OR51E2: variants seen among roughly 807,000 people sequenced by gnomAD.
OR51E2 encodes olfactory receptor family 51 subfamily E member 2.
Under a neutral mutation model 13.7 loss-of-function variants are expected in OR51E2, and 14 were observed. The observed-to-expected ratio is 1.02, with a 90% CI of 0.68 to 1.60. The LOEUF is 1.60. Among genes scored for constraint, OR51E2 ranks in the 40% most tolerant of loss-of-function variants. OR51E2 has a pLI of 0.00. For missense variants in OR51E2, 483 were observed against 413.8 expected (o/e 1.17, Z -1.45); for synonymous variants, 180 against 157.6 (o/e 1.14, Z -1.07).
intron 1 of OR51E2, among the ~76,000 whole-genome samples, chr11:4,689,503 A>G (rs959956265): frequency 1.3e-5 from 2 of 152,204 alleles, no homozygotes; most frequent in Non-Finnish European, 2.9e-5. Context: ...GCCTGTAGAT[A>G]CGAATGATTA....
rs143436334 is a variant in OR51E2 at position 4,682,090 on chromosome 11, C to A, written c.622G>T (p.Val208Leu). ...GLTAILLVMGVDVMFISLSYF... is the reference protein window; with the variant it reads ...GLTAILLVMGLDVMFISLSYF... ...GACAAGGAGATGAACATTACGTCCA[C>A]GCCCATGACCAGCAGAATGGCAGTA... Residue 208 changes from valine (V) to leucine (L), a missense_variant, in exon 2 of 2, where the codon GTG (valine) becomes TTG (leucine). Transcript: ENST00000396950. 2 of 1,614,082 alleles carry A rather than the reference C, an allele frequency of 1.2e-6. No individual in the cohort carries two copies. Among genetic ancestry groups the A allele is most frequent in the Non-Finnish European group, 1.7e-6 (2 of 1,180,050 alleles).
intron 1 of OR51E2, among the ~76,000 whole-genome samples, chr11:4,682,982 A>T (rs1042737297): frequency 6.6e-6 from 1 of 152,172 alleles, no homozygotes; most frequent in African/African-American, 2.4e-5. Context: ...CTTTTTCCAA[A>T]ATGTAATTCC....
rs1280191543 is a variant in OR51E2 at position 4,681,829 on chromosome 11, T to C, written c.883A>G (p.Thr295Ala). Residue 295 changes from threonine (T) to alanine (A), a missense_variant, in exon 2 of 2, where the codon ACC becomes GCC. Thr to Ala is a moderately conservative substitution (Grantham distance 58). Coordinates refer to ENST00000396950, the MANE Select transcript of OR51E2 (RefSeq NM_030774.4). ...VINPIIYGAK[T>A]KQIRTRVLAM... Reference sequence around the variant, plus strand: ...AGCACCCGTGTTCTGATCTGTTTGGTTTTGGCACCATAGATGATGGGATTG... The same window carrying C: ...AGCACCCGTGTTCTGATCTGTTTGGCTTTGGCACCATAGATGATGGGATTG... 6.2e-7 allele frequency: 1 copy of C among 1,614,104 alleles called. No homozygotes were observed. The highest frequency in any genetic ancestry group is 8.5e-7 in the Non-Finnish European group (1 of 1,180,004).
At chr11:4,690,681 T>G (rs1564887122) in intron 1 of OR51E2, 1 of 329,296 alleles carries the variant, frequency 3.0e-6, no homozygotes, top group Non-Finnish European at 5.9e-6. Flanking sequence ...TCTTTGGTTG[T>G]TTTTTGTTTT....
intron 1 of OR51E2, among the ~76,000 whole-genome samples, chr11:4,696,083 G>A (rs756739435): frequency 1.3e-5 from 2 of 152,174 alleles, no homozygotes; most frequent in Non-Finnish European, 2.9e-5. Flanking sequence ...AAAATACAGT[G>A]AAGCAATCAA....
chr11:4,688,474 A>G (rs1023100354), intron 1 of OR51E2, among the ~76,000 whole-genome samples: 2 of 152,206 alleles, frequency 1.3e-5, no homozygotes, highest in African/African-American at 4.8e-5. Flanking sequence ...GCAGAGTAGT[A>G]GAAGATGATA....
chr11:4,694,149 C>T (rs952409390), intron 1 of OR51E2, among the ~76,000 whole-genome samples: 1 of 152,110 alleles, frequency 6.6e-6, no homozygotes, highest in Admixed American at 6.5e-5. Flanking sequence ...TTCTTCATAT[C>T]TCCCATTACC....
chr11:4,696,355 A>G (rs1266752465), intron 1 of OR51E2, among the ~76,000 whole-genome samples: 1 of 151,412 alleles, frequency 6.6e-6, no homozygotes, highest in African/African-American at 2.4e-5. Context: ...ACTACCCACC[A>G]CACACACACA....
intron 1 of OR51E2, among the ~76,000 whole-genome samples, chr11:4,688,593 T>A (rs1207223970): frequency 6.6e-6 from 1 of 152,174 alleles, no homozygotes; most frequent in Non-Finnish European, 1.5e-5. Context: ...TTGAACTTGA[T>A]CTGCCTTGTG....
chr11:4,689,896 G>T (rs942873299), intron 1 of OR51E2, among the ~76,000 whole-genome samples: 11 of 150,428 alleles, frequency 7.3e-5, no homozygotes, highest in East Asian at 5.8e-4. Context: ...TAGAGTTGTG[G>T]TTTTTTTTAA....
intron 1 of OR51E2, among the ~76,000 whole-genome samples, chr11:4,688,888 G>C (rs1197937562): frequency 6.6e-6 from 1 of 152,184 alleles, no homozygotes; most frequent in Non-Finnish European, 1.5e-5. Flanking sequence ...TCAACACATT[G>C]GAAGGTAGAG....
intron 1 of OR51E2, among the ~76,000 whole-genome samples, chr11:4,689,156 G>T (rs1229974556): frequency 1.3e-5 from 2 of 152,146 alleles, no homozygotes; most frequent in Non-Finnish European, 2.9e-5. Context: ...CAAAGTCCCA[G>T]GACATTGCAA....
At chr11:4,693,843 T>C (rs1403820717) in intron 1 of OR51E2, among the ~76,000 whole-genome samples, 2 of 152,214 alleles carry the variant, frequency 1.3e-5, no homozygotes, top group African/African-American at 4.8e-5. Flanking sequence ...AGTGCTATTT[T>C]AGAAGCTAAA....
rs943086437 is a variant in OR51E2, at chr11:4,693,724, A to AAAAC, written c.-51+3925_-51+3928dup. Among the ~76,000 whole-genome samples the AAAAC allele has an allele frequency of 1.1e-4, 16 of 152,108 alleles. 1 individual carries two copies. The highest frequency in any genetic ancestry group is 2.7e-4 in the African/African-American group (11 of 41,408). On this transcript the variant is annotated intron_variant, in intron 1 of 1. Transcript: ENST00000396950. ...GCGACAGAGCGAGACTCCGTTTCAA[A>AAAAC]AAACAAACAAACAAACAAAAAACTG...
chr11:4,680,784 C>G lies in OR51E2; in HGVS notation c.*965G>C, dbSNP rs1847440839. ...TTATTATTAAGGGCTTATATAAATTCCCAGGTAATGCATAATAACAGTAGA... is the reference window on the plus strand; with the variant it reads ...TTATTATTAAGGGCTTATATAAATTGCCAGGTAATGCATAATAACAGTAGA... On this transcript the variant is annotated 3_prime_UTR_variant, in exon 2 of 2. Coordinates refer to ENST00000396950, the MANE Select transcript of OR51E2 (RefSeq NM_030774.4). 1 of 152,156 alleles carries G rather than the reference C, an allele frequency of 6.6e-6. No homozygotes were observed. Among genetic ancestry groups the G allele is most frequent in the African/African-American group, 2.4e-5 (1 of 41,422 alleles). 9.4% of individuals were successfully genotyped at this position (152,156 alleles called of 1,614,324 possible).
At chr11:4,689,760 G>C (rs1463262520) in intron 1 of OR51E2, among the ~76,000 whole-genome samples, 1 of 152,054 alleles carries the variant, frequency 6.6e-6, no homozygotes, top group African/African-American at 2.4e-5. Flanking sequence ...AATGTTGATG[G>C]AGGGTTGACA....
intron 1 of OR51E2, among the ~76,000 whole-genome samples, 161 bp downstream of exon 1, chr11:4,697,492 T>A (rs1028102417): frequency 2.0e-5 from 3 of 152,212 alleles, no homozygotes; most frequent in Non-Finnish European, 4.4e-5. Flanking sequence ...TCTACGTATT[T>A]CCTGGGAATA....
At chr11:4,694,563 T>G in intron 1 of OR51E2, among the ~76,000 whole-genome samples, 1 of 92,202 alleles carries the variant, frequency 1.1e-5, no homozygotes, top group African/African-American at 3.6e-5. Flanking sequence ...CACACACACA[T>G]ACATATATAT....
At chr11:4,696,268 C>G (rs147278471) in intron 1 of OR51E2, among the ~76,000 whole-genome samples, 49 of 152,264 alleles carry the variant, frequency 3.2e-4, no homozygotes, top group Non-Finnish European at 5.1e-4. Context: ...CTCTCGTCCC[C>G]TCCAAACCTG....
Sources: allele counts gnomAD v4.1 joint callset (sites outside exome capture counted in the v4.1 genomes callset), GRCh38; gene constraint gnomAD v4.1.1; transcripts MANE v1.5; gene names NCBI Gene and HGNC (gene_info 2026-07-23, HGNC 2026-07-21).